The following GRK5 variants were observed in gnomAD, a reference collection of about 807,000 sequenced individuals.
GRK5 encodes G protein-coupled receptor kinase 5.
A neutral mutation model predicts 78.4 loss-of-function variants in GRK5; 40 were observed. That is an observed-to-expected ratio of 0.51 (90% CI 0.40 to 0.66). The LOEUF (loss-of-function observed/expected upper bound fraction) is 0.66, where lower values mean the gene tolerates loss of function less well. Ranked by LOEUF, GRK5 falls within the 30% of genes least tolerant of loss-of-function variation. The pLI, the probability that GRK5 is intolerant of heterozygous loss-of-function variation, is 0.00. For synonymous variants in GRK5, 289 were observed against 296.8 expected (o/e 0.97, Z 0.27); for missense variants, 598 against 759.9 (o/e 0.79, Z 2.50).
At chr10:119,271,000 T>C (rs1263435730) in intron 1 of GRK5, among the ~76,000 whole-genome samples, 2 of 152,226 alleles carry the variant, frequency 1.3e-5, no homozygotes, top group East Asian at 3.8e-4. Flanking sequence ...TAGGATGAAA[T>C]GCATTTAAAT....
chr10:119,372,751 G>T (rs979194006), intron 2 of GRK5, among the ~76,000 whole-genome samples: 3 of 152,168 alleles, frequency 2.0e-5, no homozygotes, highest in Admixed American at 1.3e-4. Context: ...GGCTTACATG[G>T]TCCTAAGAGT....
chr10:119,286,955 T>G (rs575048078), intron 1 of GRK5, among the ~76,000 whole-genome samples: 1 of 152,170 alleles, frequency 6.6e-6, no homozygotes, highest in Non-Finnish European at 1.5e-5. Flanking sequence ...CCAGGAGATG[T>G]CCTGTCTGTC....
At chr10:119,346,364 C>T (rs556220325) in intron 2 of GRK5, among the ~76,000 whole-genome samples, 21 of 152,366 alleles carry the variant, frequency 1.4e-4, no homozygotes, top group Middle Eastern at 3.4e-3. Flanking sequence ...CTTCACACCT[C>T]CACAGTCTAC....
At chr10:119,220,848 G>T (rs1349043931) in intron 1 of GRK5, among the ~76,000 whole-genome samples, 1 of 139,450 alleles carries the variant, frequency 7.2e-6, no homozygotes. Flanking sequence ...ATTTGCAAAG[G>T]TAATACTCAC....
intron 2 of GRK5, among the ~76,000 whole-genome samples, chr10:119,360,808 T>TC (rs1851351171): frequency 6.6e-6 from 1 of 152,152 alleles, no homozygotes; most frequent in African/African-American, 2.4e-5. Context: ...CATGCTCTGT[T>TC]CCCAGGCCCT....
intron 1 of GRK5, among the ~76,000 whole-genome samples, chr10:119,325,150 A>G (rs1850651537): frequency 1.3e-5 from 2 of 152,250 alleles, no homozygotes; most frequent in Admixed American, 1.3e-4. Flanking sequence ...GCTTTCCAGG[A>G]TAGCTTGGAT....
chr10:119,373,976 A>G (rs1260917676), intron 2 of GRK5, among the ~76,000 whole-genome samples: 2 of 152,182 alleles, frequency 1.3e-5, no homozygotes, highest in Non-Finnish European at 2.9e-5. Flanking sequence ...CTAGTAGTAA[A>G]TATCTCCCAC....
At chr10:119,333,723 A>T (rs1294149739) in intron 2 of GRK5, 1 of 528,112 alleles carries the variant, frequency 1.9e-6, no homozygotes, top group Non-Finnish European at 3.9e-6. Flanking sequence ...TCCTCTGCTT[A>T]TTCAATGCAT....
intron 2 of GRK5, among the ~76,000 whole-genome samples, chr10:119,361,720 G>A (rs2133810331): frequency 6.6e-6 from 1 of 152,272 alleles, no homozygotes; most frequent in Admixed American, 6.5e-5. Context: ...CAGGACTTTG[G>A]GAGGCTGAGG....
At chr10:119,370,284 CG>C (rs1369803515) in intron 2 of GRK5, among the ~76,000 whole-genome samples, 1 of 152,198 alleles carries the variant, frequency 6.6e-6, no homozygotes, top group Non-Finnish European at 1.5e-5. Flanking sequence ...AGACACCCTG[CG>C]ATTCAGTGGT....
chr10:119,443,800 C>T (rs201839369), intron 12 of GRK5, 48 bp downstream of exon 12: 3 of 1,490,446 alleles, frequency 2.0e-6, no homozygotes, highest in Admixed American at 3.7e-5. Flanking sequence ...TGGCTCCCCT[C>T]CCTGGGCCTG....
intron 1 of GRK5, among the ~76,000 whole-genome samples, chr10:119,314,849 TC>T (rs1291707590): frequency 6.6e-6 from 1 of 152,190 alleles, no homozygotes; most frequent in Non-Finnish European, 1.5e-5. Flanking sequence ...GAGGCTGGAT[TC>T]CCCATGATTC....
intron 12 of GRK5, among the ~76,000 whole-genome samples, chr10:119,444,041 G>GA (rs1466400093): frequency 6.6e-6 from 1 of 152,096 alleles, no homozygotes; most frequent in South Asian, 2.1e-4. Context: ...CTGTGGGGGG[G>GA]TCCACACAGG....
chr10:119,300,020 G>A lies in GRK5; in HGVS notation c.53-26496G>A, dbSNP rs1267917252. On this transcript the variant is annotated intron_variant, in intron 1 of 15. Transcript: ENST00000392870. ...GTTCCCTAAGCAGATGTTCTTAAGGGGAAGCAGCCTTTTCTTCCTGGTGTA... is the reference window on the plus strand; with the variant it reads ...GTTCCCTAAGCAGATGTTCTTAAGGAGAAGCAGCCTTTTCTTCCTGGTGTA... Among the ~76,000 whole-genome samples, 9 of 152,194 alleles carry A rather than the reference G, an allele frequency of 5.9e-5. No homozygotes were observed. The East Asian group carries it at 1.5e-3, about 26-fold the overall frequency.
chr10:119,305,706 A>C (rs1275442834), intron 1 of GRK5, among the ~76,000 whole-genome samples: 2 of 152,212 alleles, frequency 1.3e-5, no homozygotes. Flanking sequence ...GCCCAGAGCA[A>C]CGTCATTTGA....
In GRK5 at chr10:119,207,841, C is replaced by A; in HGVS notation, c.-77C>A. ...CCGGCAGCAGCGGCGGCAGCCCGAG[C>A]AGCGGCAGCAGCAGCGGCAGCACCC... is the stretch of plus-strand genomic sequence containing the variant. On this transcript the variant is annotated 5_prime_UTR_variant, in exon 1 of 16. Transcript: ENST00000392870. The A allele has an allele frequency of 7.2e-7, 1 of 1,395,860 alleles. No homozygotes were observed. The highest frequency in any genetic ancestry group is 9.8e-7 in the Non-Finnish European group (1 of 1,025,214). 86.5% of individuals were successfully genotyped at this position (1,395,860 alleles called of 1,614,324 possible). A position where few individuals can be genotyped will look rare whatever the true frequency, so the allele number is the denominator to read the frequency against.
At chr10:119,222,394 C>T (rs906502403) in intron 1 of GRK5, among the ~76,000 whole-genome samples, 2 of 152,034 alleles carry the variant, frequency 1.3e-5, no homozygotes, top group Admixed American at 1.3e-4. Context: ...GCTGCCTGTG[C>T]TGGTGTCAGT....
chr10:119,454,096 A>G (rs929346712), intron 15 of GRK5, among the ~76,000 whole-genome samples: 3 of 152,214 alleles, frequency 2.0e-5, no homozygotes, highest in Non-Finnish European at 4.4e-5. Context: ...ACAAAGAGCC[A>G]GCTCCAGGAT....
chr10:119,287,946 G>A (rs756077957), intron 1 of GRK5, among the ~76,000 whole-genome samples: 1 of 150,186 alleles, frequency 6.7e-6, no homozygotes, highest in African/African-American at 2.4e-5. Flanking sequence ...CTCATTCCCC[G>A]TCCTCCCTGC....
Sources: gnomAD v4.1 joint callset for allele counts (sites outside exome capture counted in the v4.1 genomes callset) on GRCh38, gnomAD v4.1.1 for gene constraint, MANE v1.5 for transcripts, NCBI Gene and HGNC (gene_info 2026-07-23, HGNC 2026-07-21) for gene names.